SUPT3H: variants seen among roughly 807,000 people sequenced by gnomAD.
The protein encoded by SUPT3H is SPT3 homolog, SAGA and STAGA complex component.
In SUPT3H, 44 loss-of-function variants were observed where a neutral mutation model predicts 44.3. The observed-to-expected ratio is 0.99, with a 90% CI of 0.78 to 1.28. SUPT3H has a LOEUF of 1.28. Ranked by LOEUF, SUPT3H falls within the 50% of genes most tolerant of loss-of-function variation. The pLI, the probability that SUPT3H is intolerant of heterozygous loss-of-function variation, is 0.00. For synonymous variants in SUPT3H, 124 were observed against 125.6 expected, an observed-to-expected ratio of 0.99 and a Z score of 0.09; for missense variants, 380 against 387.1, an observed-to-expected ratio of 0.98 and a Z score of 0.15.
At chr6:45,306,610 T>C (rs373954767) in intron 2 of SUPT3H, among the ~76,000 whole-genome samples, 1 of 151,968 alleles carries the variant, frequency 6.6e-6, no homozygotes, top group African/African-American at 2.4e-5. Context: ...ACAAGAACCA[T>C]GAAAAACCAA....
chr6:45,145,753 A>G (rs1224045135), intron 2 of SUPT3H, among the ~76,000 whole-genome samples: 1 of 152,128 alleles, frequency 6.6e-6, no homozygotes, highest in Non-Finnish European at 1.5e-5. Context: ...GAAAATAGTC[A>G]CAAACTATGT....
In SUPT3H at chr6:45,095,712, G is replaced by C. The variant is rs111604690; in HGVS notation, c.186+10210C>G. Reference sequence around the variant, plus strand: ...TTTGATATTTAACTTTGAATGAACAGAGAAATGAAAGCAGCTATATAGCCA... The same window carrying C: ...TTTGATATTTAACTTTGAATGAACACAGAAATGAAAGCAGCTATATAGCCA... On this transcript the variant is annotated intron_variant, in intron 3 of 10. Transcript: ENST00000371459. The surrounding 1 kb of genome is among the most constrained non-coding windows in gnomAD (Gnocchi z 4.1). 5.5e-3 allele frequency among the ~76,000 whole-genome samples: 833 copies of C among 152,206 alleles called. 12 individuals are homozygous for C. Among genetic ancestry groups the C allele is most frequent in the African/African-American group, 0.019 (800 of 41,538 alleles).
chr6:45,039,661 T>G (rs1272961916), intron 3 of SUPT3H, among the ~76,000 whole-genome samples: 1 of 151,992 alleles, frequency 6.6e-6, no homozygotes, highest in African/African-American at 2.4e-5. Context: ...GCTCCTGTAT[T>G]CCCAGCTACT....
At chr6:45,089,569 T>C (rs1352720907) in intron 3 of SUPT3H, among the ~76,000 whole-genome samples, 1 of 152,084 alleles carries the variant, frequency 6.6e-6, no homozygotes, top group Admixed American at 6.6e-5. Flanking sequence ...TTCACAAATC[T>C]GTCATTCTCC....
At position 44,974,600 on chromosome 6, in the gene SUPT3H, A is replaced by G. The variant is rs886663195; in HGVS notation, c.505-12772T>C. Among the ~76,000 whole-genome samples the G allele has an allele frequency of 2.0e-5, 3 of 152,174 alleles. No individual in the cohort carries two copies. In the East Asian group the frequency reaches 5.8e-4, roughly 29 times the overall value. On this transcript the variant is annotated intron_variant, in intron 6 of 10. Transcript: ENST00000371459. ...CACAGGAAGATCATGGTACCAAAGG[A>G]AAAAGTAATCCCCACACACCGGACA...
chr6:44,979,975 T>G (rs1324110405), intron 6 of SUPT3H, among the ~76,000 whole-genome samples: 1 of 152,188 alleles, frequency 6.6e-6, no homozygotes, highest in Non-Finnish European at 1.5e-5. Context: ...CATTCACGTT[T>G]TATTAGTTAA....
At chr6:44,918,091 C>T (rs893920917) in intron 10 of SUPT3H, among the ~76,000 whole-genome samples, 11 of 151,970 alleles carry the variant, frequency 7.2e-5, no homozygotes, top group Admixed American at 6.6e-4. Flanking sequence ...ATCATTTTGC[C>T]AAAAGGTCTT....
At chr6:45,330,875 C>G (rs549258639) in intron 2 of SUPT3H, among the ~76,000 whole-genome samples, 13 of 151,916 alleles carry the variant, frequency 8.6e-5, no homozygotes, top group African/African-American at 2.9e-4. Flanking sequence ...TAGTGGACAT[C>G]ATGTATATGT....
chr6:45,297,246 T>C (rs1236944993), intron 2 of SUPT3H, among the ~76,000 whole-genome samples: 2 of 152,194 alleles, frequency 1.3e-5, no homozygotes, highest in Non-Finnish European at 2.9e-5. Flanking sequence ...TTCTCTATAG[T>C]AGACTTTTGT....
In SUPT3H at chr6:45,058,652, C is replaced by T. The variant is rs539366530; in HGVS notation, c.187-38020G>A. On this transcript the variant is annotated intron_variant, in intron 3 of 10. Coordinates refer to ENST00000371459, the MANE Select transcript of SUPT3H (RefSeq NM_003599.4). ...CCTTCCTACTAAAAGGAGCGTTCAGCTATTGTTGAGAAACACTGCACTACA... is the reference window on the plus strand; with the variant it reads ...CCTTCCTACTAAAAGGAGCGTTCAGTTATTGTTGAGAAACACTGCACTACA... Among the ~76,000 whole-genome samples, 12 of 152,234 alleles carry T rather than the reference C, an allele frequency of 7.9e-5. No homozygotes were observed. The South Asian group carries it at 2.5e-3, about 32-fold the overall frequency.
chr6:45,305,176 G>A lies in SUPT3H; in HGVS notation c.101+60025C>T, dbSNP rs921928011. Reference sequence around the variant, plus strand: ...TTAGACTCCCTGAACTACCTCAAACGAAAAACATCGGCTTTTAGCTCTAAA... The same window carrying A: ...TTAGACTCCCTGAACTACCTCAAACAAAAAACATCGGCTTTTAGCTCTAAA... On this transcript the variant is annotated intron_variant, in intron 2 of 10. Transcript: ENST00000371459. 4.6e-5 allele frequency among the ~76,000 whole-genome samples: 7 copies of A among 152,244 alleles called. No homozygotes were observed. The East Asian group carries it at 7.7e-4, about 17-fold the overall frequency.
intron 3 of SUPT3H, among the ~76,000 whole-genome samples, chr6:45,029,282 C>G (rs966394063): frequency 1.3e-5 from 2 of 151,004 alleles, no homozygotes; most frequent in African/African-American, 2.4e-5. Flanking sequence ...TTACCAGGAT[C>G]TCATGGCTCA....
At chr6:45,264,825 C>T (rs933254437) in intron 2 of SUPT3H, among the ~76,000 whole-genome samples, 14 of 151,530 alleles carry the variant, frequency 9.2e-5, no homozygotes, top group African/African-American at 3.4e-4. Context: ...AGGAAAGAGA[C>T]AAATGAAGAC....
intron 1 of SUPT3H, among the ~76,000 whole-genome samples, chr6:45,367,056 T>C (rs1455655400): frequency 6.6e-6 from 1 of 151,878 alleles, no homozygotes; most frequent in East Asian, 1.9e-4. Flanking sequence ...CGAAAGAAGG[T>C]TGGGGAAAAA....
At chr6:45,273,207 A>T (rs913042562) in intron 2 of SUPT3H, among the ~76,000 whole-genome samples, 9 of 152,148 alleles carry the variant, frequency 5.9e-5, no homozygotes, top group African/African-American at 1.9e-4. Context: ...TGCTGTTGTC[A>T]ATCCTCTTCG....
intron 2 of SUPT3H, among the ~76,000 whole-genome samples, chr6:45,128,081 GAT>G (rs1562512773): frequency 6.6e-6 from 1 of 152,024 alleles, no homozygotes; most frequent in East Asian, 1.9e-4. Flanking sequence ...TACTTTGTCT[GAT>G]ATTAATATAG....
intron 6 of SUPT3H, among the ~76,000 whole-genome samples, chr6:44,975,397 G>T (rs1398211967): frequency 3.3e-5 from 5 of 152,112 alleles, no homozygotes; most frequent in Admixed American, 6.5e-5. Flanking sequence ...ATACTACTCA[G>T]CCATAAAAAG....
In SUPT3H at chr6:45,208,550, C is replaced by A. The variant is rs1282690056; in HGVS notation, c.102-102544G>T. Among the ~76,000 whole-genome samples, 3 of 151,978 alleles carry A rather than the reference C, an allele frequency of 2.0e-5. 1 individual carries two copies. In the East Asian group the frequency reaches 5.8e-4, roughly 29 times the overall value. On this transcript the variant is annotated intron_variant, in intron 2 of 10. Coordinates refer to ENST00000371459, the MANE Select transcript of SUPT3H (RefSeq NM_003599.4). The stretch of plus-strand genomic sequence containing the variant: ...ACCATCCTGGCCAACATGGTGAAAC[C>A]CTGTCCCTACTAAAGATACAAAAAT...
intron 2 of SUPT3H, among the ~76,000 whole-genome samples, chr6:45,107,494 G>A (rs568016758): frequency 1.3e-5 from 2 of 152,012 alleles, no homozygotes; most frequent in Non-Finnish European, 2.9e-5. Context: ...TACCTCACCC[G>A]AAGCTTTGAG....
Sources: gnomAD v4.1 joint callset for allele counts (sites outside exome capture counted in the v4.1 genomes callset) on GRCh38, gnomAD v4.1.1 for gene constraint, Gnocchi (gnomAD v3.1) non-coding constraint, MANE v1.5 for transcripts, NCBI Gene and HGNC (gene_info 2026-07-23, HGNC 2026-07-21) for gene names.